MBOAT2: variants seen among roughly 807,000 people sequenced by gnomAD.
MBOAT2 encodes membrane bound glycerophospholipid O-acyltransferase 2.
In MBOAT2, 28 loss-of-function variants were observed where a neutral mutation model predicts 63.4. The observed-to-expected ratio is 0.44, with a 90% CI of 0.33 to 0.61. The LOEUF (loss-of-function observed/expected upper bound fraction) is 0.61, where lower values mean the gene tolerates loss of function less well. Among genes scored for constraint, MBOAT2 ranks in the 20% least tolerant of loss-of-function variants. MBOAT2 has a pLI of 0.03. For missense variants in MBOAT2, 470 were observed against 605.8 expected (o/e 0.78, Z 2.35); for synonymous variants, 211 against 215.6 (o/e 0.98, Z 0.19).
chr2:8,887,919 T>C, intron 5 of MBOAT2, 99 bp downstream of exon 5: 1 of 1,093,874 alleles, frequency 9.1e-7, no homozygotes, highest in South Asian at 1.3e-5. Context: ...CTCCCTCCAT[T>C]TCCTTACTCT....
At chr2:8,958,668 A>G in intron 1 of MBOAT2, 26 bp from the exon 2 acceptor site, 1 of 1,538,284 alleles carries the variant, frequency 6.5e-7, no homozygotes, top group Non-Finnish European at 8.7e-7. Context: ...AAAATTTTGT[A>G]TTAGCAACAC....
At chr2:8,938,456 A>C (rs966581632) in intron 3 of MBOAT2, among the ~76,000 whole-genome samples, 1 of 151,972 alleles carries the variant, frequency 6.6e-6, no homozygotes, top group Admixed American at 6.6e-5. Flanking sequence ...CAGTGCTTCC[A>C]CACCGTGTTT....
chr2:8,882,096 G>A (rs879470716), intron 6 of MBOAT2, among the ~76,000 whole-genome samples: 1 of 152,144 alleles, frequency 6.6e-6, no homozygotes, highest in African/African-American at 2.4e-5. Flanking sequence ...TGGCATCGAT[G>A]TGCTATATTA....
intron 1 of MBOAT2, among the ~76,000 whole-genome samples, chr2:8,969,040 G>T (rs373767053): frequency 3.3e-5 from 5 of 151,568 alleles, no homozygotes; most frequent in Non-Finnish European, 7.4e-5. Context: ...GCCACTCCTC[G>T]AGAAGTGCAA....
rs182906124 is a variant in MBOAT2, at chr2:8,868,336, T to C, written c.987+110A>G. The C allele has an allele frequency of 1.9e-4, 157 of 847,778 alleles. 1 individual carries two copies. The East Asian group carries it at 3.6e-3, about 20-fold the overall frequency. 52.5% of individuals were successfully genotyped at this position (847,778 alleles called of 1,614,324 possible). A position where few individuals can be genotyped will look rare whatever the true frequency, so the allele number is the denominator to read the frequency against. On this transcript the variant is annotated intron_variant, in intron 9 of 12. Coordinates refer to ENST00000305997, the MANE Select transcript of MBOAT2 (RefSeq NM_138799.4). ...ATTGGTTAAATGAAAGAATGAGTGT[T>C]AATATTAAAAAACCTTCAATACCAC... is the stretch of plus-strand genomic sequence containing the variant.
chr2:8,943,191 G>A lies in MBOAT2; in HGVS notation c.295C>T (p.His99Tyr). The A allele has an allele frequency of 6.5e-7, 1 of 1,539,408 alleles. No homozygotes were observed. The highest frequency in any genetic ancestry group is 8.8e-7 in the Non-Finnish European group (1 of 1,132,460). ...GTGAACAAAGTGAATACTTACTTGT[G>A]CATGTTCTCCACTCCTATGATGATC... ...IMIIIGVENM[H>Y]NYCFVFALGY... The change falls in exon 3 of 13, where the codon CAC (histidine) becomes TAC (tyrosine). Residue 99 changes from histidine to tyrosine, a missense_variant. By Grantham distance (83) the His-to-Tyr change is moderately conservative (BLOSUM62 2). This residue lies in a region of MBOAT2 where 376 missense variants were observed against 503.8 expected (regional missense o/e 0.75). Coordinates refer to ENST00000305997, the MANE Select transcript of MBOAT2 (RefSeq NM_138799.4).
chr2:8,941,654 G>GAA (rs562089473), intron 3 of MBOAT2, among the ~76,000 whole-genome samples: 274 of 128,584 alleles, frequency 2.1e-3, no homozygotes, highest in African/African-American at 7.3e-3. Context: ...CGTCTCAAAG[G>GAA]AAAAAAAAAA....
intron 8 of MBOAT2, among the ~76,000 whole-genome samples, chr2:8,871,098 G>A (rs866222957): frequency 4.6e-5 from 7 of 151,852 alleles, no homozygotes; most frequent in African/African-American, 7.3e-5. Context: ...TGGCTAAAGC[G>A]GTACTCCCAC....
rs532907119 is a variant in MBOAT2, at chr2:8,968,809, C to T, written c.76-10167G>A. On this transcript the variant is annotated intron_variant, in intron 1 of 12. Transcript: ENST00000305997. Reference sequence around the variant, plus strand: ...TGAAGATCAAATGAATGAAATGAAGCGAGAAGAGAACTTTAGAGAAAAAAG... The same window carrying T: ...TGAAGATCAAATGAATGAAATGAAGTGAGAAGAGAACTTTAGAGAAAAAAG... Among the ~76,000 whole-genome samples the T allele has an allele frequency of 1.8e-4, 28 of 151,758 alleles. 1 individual carries two copies. Among genetic ancestry groups the T allele is most frequent in the South Asian group, 1.5e-3 (7 of 4,814 alleles).
At chr2:8,885,670 C>T (rs987659559) in intron 5 of MBOAT2, among the ~76,000 whole-genome samples, 12 of 152,162 alleles carry the variant, frequency 7.9e-5, no homozygotes, top group Non-Finnish European at 1.3e-4. Context: ...AAGCCCTCAG[C>T]AATCTCATAT....
At chr2:8,896,809 T>C (rs755079962) in intron 4 of MBOAT2, among the ~76,000 whole-genome samples, 7 of 152,252 alleles carry the variant, frequency 4.6e-5, no homozygotes, top group Non-Finnish European at 1.5e-5. Context: ...ATTGTGTCTT[T>C]TTCCTTAATC....
chr2:8,876,057 T>C (rs1662676986), intron 7 of MBOAT2, among the ~76,000 whole-genome samples: 1 of 152,180 alleles, frequency 6.6e-6, no homozygotes, highest in Non-Finnish European at 1.5e-5. Flanking sequence ...CCAGCCCCTT[T>C]CCTTCATCTC....
Position 8,958,530 on chromosome 2 carries a change from A to G in MBOAT2, c.188T>C (p.Leu63Ser). 1 of 1,604,840 alleles carries G rather than the reference A, an allele frequency of 6.2e-7. No homozygotes were observed. The highest frequency in any genetic ancestry group is 2.2e-5 in the East Asian group (1 of 44,814). The change falls in exon 2 of 13, where the codon TTG becomes TCG. Residue 63 changes from leucine to serine, a missense_variant. Around this residue, in one of 3 missense-constraint regions of MBOAT2, gnomAD observed 376 missense variants for 503.8 expected, o/e 0.75. Coordinates refer to ENST00000305997, the MANE Select transcript of MBOAT2 (RefSeq NM_138799.4). The stretch of plus-strand genomic sequence containing the variant: ...GCAAAAAAGTGCAAGATAAAGGCCC[A>G]AAAGGGTAGCAACTACATGTCTTAT... The part of the protein sequence containing the change: ...SFIRHVVATL[L>S]GLYLALFCFG...
chr2:8,936,786 C>CAAAAAAAAAAAAAAAAAAAAAAAAAAA (rs745694357), intron 3 of MBOAT2, among the ~76,000 whole-genome samples: 1 of 56,370 alleles, frequency 1.8e-5, no homozygotes, highest in African/African-American at 6.8e-5. Flanking sequence ...GACTCCGTCT[C>CAAAAAAAAAAAAAAAAAAAAAAAAAAA]AAAAAAAAAA....
intron 4 of MBOAT2, among the ~76,000 whole-genome samples, chr2:8,906,168 C>G (rs183412500): frequency 6.6e-6 from 1 of 152,162 alleles, no homozygotes; most frequent in Non-Finnish European, 1.5e-5. Flanking sequence ...CCATGTTGCC[C>G]AAACTCCTGA....
intron 3 of MBOAT2, among the ~76,000 whole-genome samples, chr2:8,934,507 C>T (rs1233423802): frequency 6.6e-6 from 1 of 152,160 alleles, no homozygotes; most frequent in African/African-American, 2.4e-5. Context: ...ATGTGCTTAT[C>T]ACAGTGACTG....
chr2:8,991,154 A>G (rs556857405), intron 1 of MBOAT2, among the ~76,000 whole-genome samples: 2 of 152,334 alleles, frequency 1.3e-5, no homozygotes, highest in African/African-American at 4.8e-5. Context: ...ATAACTCCAG[A>G]GTTATCACAA....
chr2:8,966,676 G>A (rs117633559), intron 1 of MBOAT2, among the ~76,000 whole-genome samples: 4 of 152,210 alleles, frequency 2.6e-5, no homozygotes, highest in East Asian at 1.9e-4. Flanking sequence ...AGCCAAATAC[G>A]ACATCATTAC....
chr2:8,920,366 C>T (rs1344937440), intron 3 of MBOAT2, among the ~76,000 whole-genome samples: 1 of 152,146 alleles, frequency 6.6e-6, no homozygotes, highest in Admixed American at 6.5e-5. Context: ...TATTTCTGAA[C>T]TCTCAATTTT....
Sources: gnomAD v4.1 joint callset for allele counts (sites outside exome capture counted in the v4.1 genomes callset) on GRCh38, gnomAD v4.1.1 for gene constraint, gnomAD v4.1.1 regional missense constraint, MANE v1.5 for transcripts, NCBI Gene and HGNC (gene_info 2026-07-23, HGNC 2026-07-21) for gene names.